The following PAIP1 variants were observed in gnomAD, a reference collection of about 807,000 sequenced individuals.
PAIP1 encodes the protein polyadenylate-binding protein-interacting protein 1.
PAIP1 carries 16 observed loss-of-function variants against 61.3 expected under a neutral mutation model. The observed-to-expected ratio is 0.26, with a 90% CI of 0.18 to 0.40. The LOEUF (loss-of-function observed/expected upper bound fraction) is 0.40, where lower values mean the gene tolerates loss of function less well. Among genes scored for constraint, PAIP1 ranks in the 10% least tolerant of loss-of-function variants. The pLI, the probability that PAIP1 is intolerant of heterozygous loss-of-function variation, is 1.00. For missense variants in PAIP1, 416 were observed against 600.9 expected (o/e 0.69, Z 3.22); for synonymous variants, 187 against 226.2 (o/e 0.83, Z 1.56).
At chr5:43,555,586 A>G (rs975048188) in intron 2 of PAIP1, among the ~76,000 whole-genome samples, 2 of 152,256 alleles carry the variant, frequency 1.3e-5, no homozygotes, top group African/African-American at 2.4e-5. Context: ...ATAATGGAAT[A>G]ATCACTAGAA....
At chr5:43,550,283 T>C (rs1747809618) in intron 2 of PAIP1, among the ~76,000 whole-genome samples, 1 of 152,144 alleles carries the variant, frequency 6.6e-6, no homozygotes, top group Admixed American at 6.5e-5. Context: ...TCACTGTGAC[T>C]CTGAGGATTA....
chr5:43,556,923 G>C lies in PAIP1; in HGVS notation c.-77C>G, dbSNP rs959296979. ...ATAGGACGCGGGGGGAAGGCGCCGC[G>C]GGTCGGCTATAGCCGCCGCGCCTCA... On this transcript the variant is annotated 5_prime_UTR_variant, in exon 1 of 11. Transcript: ENST00000306846. 3.0e-5 allele frequency: 40 copies of C among 1,314,428 alleles called. 2 individuals are homozygous for C. The South Asian group carries it at 7.4e-4, about 24-fold the overall frequency. The allele number at this position is 1,314,428 out of a possible 1,614,324, so 81.4% of individuals were successfully genotyped here. A position where few individuals can be genotyped will look rare whatever the true frequency, so the allele number is the denominator to read the frequency against.
intron 3 of PAIP1, among the ~76,000 whole-genome samples, chr5:43,544,794 C>A (rs969092578): frequency 7.2e-5 from 11 of 152,130 alleles, no homozygotes; most frequent in Non-Finnish European, 1.5e-4. Context: ...ACCCTGTCAA[C>A]CCCCTTCAGC....
intron 10 of PAIP1, among the ~76,000 whole-genome samples, chr5:43,528,894 T>C (rs1746815430): frequency 6.6e-6 from 1 of 152,186 alleles, no homozygotes; most frequent in South Asian, 2.1e-4. Context: ...GAAAATGTAG[T>C]GCACTCTGAT....
chr5:43,533,518 A>G (rs1330883333), intron 9 of PAIP1, among the ~76,000 whole-genome samples: 1 of 152,248 alleles, frequency 6.6e-6, no homozygotes, highest in Non-Finnish European at 1.5e-5. Context: ...TCTGTTGTTA[A>G]GTGACAAGAC....
intron 2 of PAIP1, 59 bp downstream of exon 2, chr5:43,555,771 T>C: frequency 1.4e-6 from 2 of 1,423,790 alleles, no homozygotes; most frequent in Non-Finnish European, 1.9e-6. Flanking sequence ...ATTAACAAAG[T>C]AACAACCACA....
At chr5:43,531,886 AAG>A (rs1746957511) in intron 9 of PAIP1, among the ~76,000 whole-genome samples, 1 of 152,046 alleles carries the variant, frequency 6.6e-6, no homozygotes, top group Admixed American at 6.6e-5. Flanking sequence ...GGTTATAATT[AAG>A]AGATAAAACA....
Position 43,556,563 on chromosome 5 carries a change from C to T in PAIP1, c.265+19G>A. ...AGCGTTCGCCAAGGAGGACTGGGGCCCTTAGAGCTGCTCCGTACCTGGGAG... is the reference window on the plus strand; with the variant it reads ...AGCGTTCGCCAAGGAGGACTGGGGCTCTTAGAGCTGCTCCGTACCTGGGAG... On this transcript the variant is annotated intron_variant, in intron 1 of 10. Transcript: ENST00000306846. 3 of 1,249,820 alleles carry T rather than the reference C, an allele frequency of 2.4e-6. No individual in the cohort carries two copies. The highest frequency in any genetic ancestry group is 3.0e-6 in the Non-Finnish European group (3 of 991,984). The allele number at this position is 1,249,820 out of a possible 1,614,324, so 77.4% of individuals were successfully genotyped here. A position where few individuals can be genotyped will look rare whatever the true frequency, so the allele number is the denominator to read the frequency against.
chr5:43,546,296 C>T (rs954099756), intron 3 of PAIP1, among the ~76,000 whole-genome samples: 7 of 152,240 alleles, frequency 4.6e-5, no homozygotes, highest in African/African-American at 1.7e-4. Flanking sequence ...TATAATTACG[C>T]AGCCTACTGA....
intron 4 of PAIP1, among the ~76,000 whole-genome samples, chr5:43,539,574 GGA>G (rs1747314630): frequency 1.8e-5 from 2 of 112,376 alleles, no homozygotes; most frequent in Non-Finnish European, 3.9e-5. Context: ...ACTAATGTGA[GGA>G]AAAAATTCCC....
rs901223783 is a variant in PAIP1, at chr5:43,556,868, C to A, written c.-22G>T. On this transcript the variant is annotated 5_prime_UTR_variant, in exon 1 of 11. Coordinates refer to ENST00000306846, the MANE Select transcript of PAIP1 (RefSeq NM_006451.5). Reference sequence around the variant, plus strand: ...ACATGCTCCTCCTCCTCCGCCTCCTCCTCCAGGGGCCGCTGCCGCTGCGCT... The same window carrying A: ...ACATGCTCCTCCTCCTCCGCCTCCTACTCCAGGGGCCGCTGCCGCTGCGCT... 2 of 1,393,960 alleles carry A rather than the reference C, an allele frequency of 1.4e-6. No individual in the cohort carries two copies. Among genetic ancestry groups the A allele is most frequent in the South Asian group, 3.2e-5 (2 of 62,474 alleles). 86.3% of individuals were successfully genotyped at this position (1,393,960 alleles called of 1,614,324 possible).
At position 43,555,914 on chromosome 5, in the gene PAIP1, C is replaced by G; in HGVS notation, c.351G>C (p.Gln117His). 6.2e-7 allele frequency: 1 copy of G among 1,613,966 alleles called. No homozygotes were observed. Residue 117 changes from glutamine (Q) to histidine (H), a missense_variant, in exon 2 of 11, where the codon CAG becomes CAC. Around this residue, in one of 4 missense-constraint regions of PAIP1, gnomAD observed 180 missense variants for 211.2 expected, o/e 0.85. Transcript: ENST00000306846. ...QNSESAMAKPQVVVAPVLMSK... is the reference protein window; with the variant it reads ...QNSESAMAKPHVVVAPVLMSK... ...ACATTAATACAGGAGCTACAACCAC[C>G]TGGGGCTTAGCCATTGCTGACTCCG...
At position 43,547,010 on chromosome 5, in the gene PAIP1, T is replaced by A. The variant is rs974691969; in HGVS notation, c.621+718A>T. ...GGGAGCTGAGACTGCGCCACTGCAC[T>A]CCAGCCTGGGAGACAGGGCAAGACT... On this transcript the variant is annotated intron_variant, in intron 3 of 10. Coordinates refer to ENST00000306846, the MANE Select transcript of PAIP1 (RefSeq NM_006451.5). 3.6e-5 allele frequency among the ~76,000 whole-genome samples: 4 copies of A among 111,694 alleles called. No individual in the cohort carries two copies. The South Asian group carries it at 1.2e-3, about 35-fold the overall frequency. The allele number at this position is 111,694 out of a possible 152,430, so 73.3% of individuals were successfully genotyped here. A position where few individuals can be genotyped will look rare whatever the true frequency, so the allele number is the denominator to read the frequency against.
chr5:43,530,396 G>A (rs947169928), intron 9 of PAIP1, among the ~76,000 whole-genome samples: 3 of 152,190 alleles, frequency 2.0e-5, no homozygotes, highest in African/African-American at 7.2e-5. Context: ...TAATACAGGT[G>A]ATATTACACC....
chr5:43,547,630 C>T (rs533448095), intron 3 of PAIP1, 98 bp downstream of exon 3: 1 of 709,636 alleles, frequency 1.4e-6, no homozygotes, highest in South Asian at 2.0e-5. Flanking sequence ...AGTGTGGAGG[C>T]AGGTGATCAT....
intron 2 of PAIP1, among the ~76,000 whole-genome samples, chr5:43,552,459 T>G (rs957516106): frequency 6.6e-6 from 1 of 152,182 alleles, no homozygotes; most frequent in East Asian, 1.9e-4. Context: ...AAGTGATAGA[T>G]TCTATGGAAT....
chr5:43,528,146 T>C (rs182824284), intron 10 of PAIP1, among the ~76,000 whole-genome samples: 4 of 152,344 alleles, frequency 2.6e-5, no homozygotes, highest in Admixed American at 6.5e-5. Context: ...TGAATGTCCA[T>C]AGCCATCTTA....
intron 6 of PAIP1, 126 bp from the exon 7 acceptor site, chr5:43,535,766 T>G (rs1168016674): frequency 1.6e-6 from 1 of 620,976 alleles, no homozygotes; most frequent in African/African-American, 1.9e-5. Context: ...TATTCCTAAT[T>G]ATTCTGTCTA....
At chr5:43,549,099 C>A (rs994664841) in intron 2 of PAIP1, among the ~76,000 whole-genome samples, 1 of 152,250 alleles carries the variant, frequency 6.6e-6, no homozygotes, top group South Asian at 2.1e-4. Context: ...CACCACCATG[C>A]CTGGCTAATT....
Sources: gnomAD v4.1 joint callset for allele counts (sites outside exome capture counted in the v4.1 genomes callset) on GRCh38, gnomAD v4.1.1 for gene constraint, gnomAD v4.1.1 regional missense constraint, MANE v1.5 for transcripts, NCBI Gene and HGNC (gene_info 2026-07-23, HGNC 2026-07-21) for gene names.